Variants in GPC5 observed in about 807,000 individuals in gnomAD.
The protein encoded by GPC5 is glypican-5.
A neutral mutation model predicts 53.9 loss-of-function variants in GPC5; 47 were observed. The observed-to-expected ratio is 0.87, with a 90% CI of 0.69 to 1.11. The LOEUF is 1.11. Among genes scored for constraint, GPC5 ranks in the 50% most tolerant of loss-of-function variants. The probability of loss-of-function intolerance (pLI) is 0.00; values close to 1 mark genes in which losing one functional copy is unlikely to be tolerated. For synonymous variants in GPC5, 286 were observed against 263.3 expected (o/e 1.09, Z -0.84); for missense variants, 748 against 713.1 (o/e 1.05, Z -0.56).
intron 5 of GPC5, among the ~76,000 whole-genome samples, chr13:91,891,549 G>A (rs1392087889): frequency 1.3e-5 from 2 of 152,064 alleles, no homozygotes; most frequent in Non-Finnish European, 2.9e-5. Context: ...AATAGTTTCT[G>A]CATTTGGGGG....
intron 7 of GPC5, among the ~76,000 whole-genome samples, chr13:92,669,659 T>C (rs765671137): frequency 3.9e-5 from 6 of 152,152 alleles, no homozygotes; most frequent in Non-Finnish European, 7.3e-5. Context: ...CTTTCCTTCA[T>C]TTTCCTTTCT....
intron 7 of GPC5, among the ~76,000 whole-genome samples, chr13:92,335,366 C>T (rs988447431): frequency 1.3e-5 from 2 of 152,060 alleles, no homozygotes; most frequent in Non-Finnish European, 2.9e-5. Context: ...CACTGAGTCC[C>T]AAGGCTGAAT....
At chr13:92,082,480 A>G (rs1196945196) in intron 6 of GPC5, among the ~76,000 whole-genome samples, 1 of 152,174 alleles carries the variant, frequency 6.6e-6, no homozygotes, top group African/African-American at 2.4e-5. Flanking sequence ...TGAGGTGTGT[A>G]TTAAATGTCC....
intron 7 of GPC5, among the ~76,000 whole-genome samples, chr13:92,436,200 A>G (rs1051105438): frequency 3.3e-5 from 5 of 152,192 alleles, no homozygotes; most frequent in Non-Finnish European, 7.4e-5. Context: ...TGTTTGTGTT[A>G]TGAATTGAAC....
intron 6 of GPC5, among the ~76,000 whole-genome samples, chr13:91,965,168 C>A (rs2040169101): frequency 6.6e-6 from 1 of 151,822 alleles, no homozygotes; most frequent in African/African-American, 2.4e-5. Flanking sequence ...ACCAACATGG[C>A]AAATGTATAC....
At chr13:91,602,180 C>T (rs571017218) in intron 2 of GPC5, among the ~76,000 whole-genome samples, 6 of 152,306 alleles carry the variant, frequency 3.9e-5, no homozygotes, top group East Asian at 3.9e-4. Flanking sequence ...TGTCCAGCAC[C>T]GTTCCGGGCT....
intron 7 of GPC5, among the ~76,000 whole-genome samples, chr13:92,443,872 A>G (rs1177816733): frequency 6.6e-6 from 1 of 152,208 alleles, no homozygotes; most frequent in Non-Finnish European, 1.5e-5. Context: ...GAAAATGAAT[A>G]GCTGACCAGC....
chr13:91,948,528 A>C lies in GPC5; in HGVS notation c.1401+40471A>C, dbSNP rs562940577. On this transcript the variant is annotated intron_variant, in intron 6 of 7. Coordinates refer to ENST00000377067, the MANE Select transcript of GPC5 (RefSeq NM_004466.6). Reference sequence around the variant, plus strand: ...AGAATTTGAGGTGAATGTTTTAGTCATGTTGAGCTTTTTTTTAAACAGAAA... The same window carrying C: ...AGAATTTGAGGTGAATGTTTTAGTCCTGTTGAGCTTTTTTTTAAACAGAAA... Among the ~76,000 whole-genome samples, 547 of 152,246 alleles carry C rather than the reference A, an allele frequency of 3.6e-3. 1 individual carries two copies. Among genetic ancestry groups the C allele is most frequent in the Non-Finnish European group, 6.8e-3 (461 of 67,992 alleles).
intron 7 of GPC5, among the ~76,000 whole-genome samples, chr13:92,236,323 A>T (rs1023511644): frequency 7.9e-5 from 12 of 152,104 alleles, no homozygotes; most frequent in Admixed American, 7.9e-4. Flanking sequence ...ATGAGAGGAC[A>T]TTTTAAAGAA....
At position 91,444,153 on chromosome 13, in the gene GPC5, C is replaced by T. The variant is rs187826998; in HGVS notation, c.164-4608C>T. 4.6e-5 allele frequency among the ~76,000 whole-genome samples: 7 copies of T among 152,096 alleles called. No individual in the cohort carries two copies. The South Asian group carries it at 6.2e-4, about 14-fold the overall frequency. ...ATTTTCTGTTTCTCTTAAGGCATTACGTTTGTGTGATTGGCTCTTGTGTTC... is the reference window on the plus strand; with the variant it reads ...ATTTTCTGTTTCTCTTAAGGCATTATGTTTGTGTGATTGGCTCTTGTGTTC... On this transcript the variant is annotated intron_variant, in intron 1 of 7. Transcript: ENST00000377067.
intron 2 of GPC5, among the ~76,000 whole-genome samples, chr13:91,463,584 A>G (rs912474644): frequency 6.6e-6 from 1 of 152,130 alleles, no homozygotes; most frequent in South Asian, 2.1e-4. Flanking sequence ...AACATGTGGT[A>G]TTGACGAAGG....
chr13:92,843,887 G>T (rs1316249286), intron 7 of GPC5, among the ~76,000 whole-genome samples: 1 of 151,874 alleles, frequency 6.6e-6, no homozygotes, highest in South Asian at 2.1e-4. Flanking sequence ...TATTTGTACT[G>T]AAGGCAGAAT....
chr13:91,670,941 A>G (rs2139672201), intron 2 of GPC5, among the ~76,000 whole-genome samples: 1 of 152,332 alleles, frequency 6.6e-6, no homozygotes, highest in South Asian at 2.1e-4. Flanking sequence ...GGATGCAGAA[A>G]GGCAACTTGT....
chr13:91,974,809 C>T (rs1428039992), intron 6 of GPC5, among the ~76,000 whole-genome samples: 3,342 of 151,748 alleles, frequency 0.022, 118 homozygotes, highest in African/African-American at 0.077. Flanking sequence ...CCCACAATGC[C>T]AAGACAATCC....
intron 2 of GPC5, among the ~76,000 whole-genome samples, chr13:91,562,233 A>G (rs935333483): frequency 7.5e-5 from 11 of 147,464 alleles, no homozygotes; most frequent in African/African-American, 2.7e-4. Context: ...TTCACAATGC[A>G]GGTAATAAGG....
chr13:92,594,128 A>G (rs1047394683), intron 7 of GPC5, among the ~76,000 whole-genome samples: 1 of 152,208 alleles, frequency 6.6e-6, no homozygotes, highest in African/African-American at 2.4e-5. Context: ...TGCCAGAAAG[A>G]TATAATTCTA....
intron 5 of GPC5, among the ~76,000 whole-genome samples, chr13:91,761,323 G>A (rs1316331001): frequency 2.6e-5 from 4 of 152,076 alleles, no homozygotes; most frequent in East Asian, 1.9e-4. Context: ...TTATACCACC[G>A]CAACAATCAT....
intron 5 of GPC5, among the ~76,000 whole-genome samples, chr13:91,785,516 TA>T (rs1346953152): frequency 6.6e-6 from 1 of 152,226 alleles, no homozygotes; most frequent in Non-Finnish European, 1.5e-5. Flanking sequence ...TTAACATATT[TA>T]TTTTACTAAC....
intron 2 of GPC5, among the ~76,000 whole-genome samples, chr13:91,611,220 A>T (rs898275751): frequency 6.6e-6 from 1 of 152,242 alleles, no homozygotes; most frequent in Non-Finnish European, 1.5e-5. Flanking sequence ...GAAAACTAGT[A>T]CAAGAATATA....
Sources: allele counts gnomAD v4.1 joint callset (sites outside exome capture counted in the v4.1 genomes callset), GRCh38; gene constraint gnomAD v4.1.1; transcripts MANE v1.5; gene names NCBI Gene and HGNC (gene_info 2026-07-23, HGNC 2026-07-21).